DHX57: variants seen among roughly 807,000 people sequenced by gnomAD.
DHX57 encodes DExH-box helicase 57, also known as putative ATP-dependent RNA helicase DHX57.
In DHX57, 105 loss-of-function variants were observed where a neutral mutation model predicts 156.2. That is an observed-to-expected ratio of 0.67 (90% CI 0.57 to 0.79). The LOEUF is 0.79. Ranked by LOEUF, DHX57 falls within the 30% of genes least tolerant of loss-of-function variation. The pLI is 0.00. For missense variants in DHX57, 1,847 were observed against 1,661.9 expected (o/e 1.11, Z -1.94); for synonymous variants, 704 against 595.6 (o/e 1.18, Z -2.65).
At chr2:38,821,624 C>A (rs566353924) in intron 17 of DHX57, among the ~76,000 whole-genome samples, 2 of 152,086 alleles carry the variant, frequency 1.3e-5, no homozygotes, top group Admixed American at 6.6e-5. Context: ...ACCTGGAAGT[C>A]GGAGGTTGCA....
At chr2:38,819,968 C>T (rs1558365391) in intron 17 of DHX57, among the ~76,000 whole-genome samples, 1 of 152,070 alleles carries the variant, frequency 6.6e-6, no homozygotes, top group Non-Finnish European at 1.5e-5. Context: ...TTACACATAC[C>T]GATTCATTAA....
In DHX57 at chr2:38,834,575, G is replaced by A. The variant is rs185148443; in HGVS notation, c.2542+3256C>T. 6.6e-5 allele frequency among the ~76,000 whole-genome samples: 10 copies of A among 152,194 alleles called. No homozygotes were observed. In the East Asian group the frequency reaches 1.9e-3, roughly 29 times the overall value. On this transcript the variant is annotated intron_variant, in intron 13 of 23. Coordinates refer to ENST00000457308, the MANE Select transcript of DHX57 (RefSeq NM_198963.3). ...TATTATAGTAAAAAGTGATCTCTGTGGTTCTTGTGCATTTTTCATTGTGTT... is the reference window on the plus strand; with the variant it reads ...TATTATAGTAAAAAGTGATCTCTGTAGTTCTTGTGCATTTTTCATTGTGTT...
At position 38,826,657 on chromosome 2, in the gene DHX57, G is replaced by A. The variant is rs989143086; in HGVS notation, c.2672C>T (p.Ser891Phe). The change falls in exon 15 of 24, where the codon TCC (serine) becomes TTC (phenylalanine). Residue 891 changes from serine to phenylalanine, a missense_variant. Transcript: ENST00000457308. ...AAACACAGCCTGCTGCTCTTCACTGGATAAAGATGAATGAAGTGGGTGAAT... is the reference window on the plus strand; with the variant it reads ...AAACACAGCCTGCTGCTCTTCACTGAATAAAGATGAATGAAGTGGGTGAAT... The part of the protein sequence containing the change: ...CVIHPLHSSL[S>F]SEEQQAVFVK... The A allele has an allele frequency of 1.9e-6, 3 of 1,614,116 alleles. No individual in the cohort carries two copies. In the South Asian group the frequency reaches 3.3e-5, roughly 18 times the overall value.
At chr2:38,875,087 G>A (rs1665543725) in intron 1 of DHX57, among the ~76,000 whole-genome samples, 1 of 152,192 alleles carries the variant, frequency 6.6e-6, no homozygotes, top group South Asian at 2.1e-4. Context: ...CTAGATCTGA[G>A]ATATGCGCTT....
intron 1 of DHX57, among the ~76,000 whole-genome samples, chr2:38,870,220 A>G (rs549584779): frequency 6.6e-6 from 1 of 152,306 alleles, no homozygotes; most frequent in African/African-American, 2.4e-5. Flanking sequence ...AAAATGTGGG[A>G]CACCATCAAG....
rs36035994 is a variant in DHX57, at chr2:38,861,016, G to A, written c.1394C>T (p.Ser465Phe). The A allele has an allele frequency of 1.2e-4, 192 of 1,613,322 alleles. 4 individuals carry two copies. The African/African-American group carries it at 1.4e-3, about 12-fold the overall frequency. The change falls in exon 5 of 24, where the codon TCT becomes TTT. Residue 465 changes from serine (S) to phenylalanine (F), a missense_variant. By Grantham distance (155) the Ser-to-Phe change is radical (BLOSUM62 -2). Coordinates refer to ENST00000457308, the MANE Select transcript of DHX57 (RefSeq NM_198963.3). ...TTACATACCTTCTGGAATTTGATTA[G>A]AAACAAAAGAATTATTTGGAATCAC... is the stretch of plus-strand genomic sequence containing the variant. ...KTVIPNNSFV[S>F]NQIPEVEKAS...
intron 13 of DHX57, among the ~76,000 whole-genome samples, chr2:38,832,427 ACT>A (rs1439418055): frequency 6.6e-6 from 1 of 151,754 alleles, no homozygotes; most frequent in Admixed American, 6.6e-5. Context: ...GGTGACAGAG[ACT>A]CTGTCTCAAA....
At chr2:38,833,208 T>C (rs1348119171) in intron 13 of DHX57, among the ~76,000 whole-genome samples, 1 of 152,022 alleles carries the variant, frequency 6.6e-6, no homozygotes, top group African/African-American at 2.4e-5. Context: ...GGTGGCGCGA[T>C]CTTGGCTCAC....
chr2:38,843,177 C>G lies in DHX57; in HGVS notation c.2253G>C (p.Arg751=), dbSNP rs1558386662. 2 of 1,614,128 alleles carry G rather than the reference C, an allele frequency of 1.2e-6. No homozygotes were observed. Among genetic ancestry groups the G allele is most frequent in the Admixed American group, 1.7e-5 (1 of 60,006 alleles). ...TTTCCTTTGAAATCTGTTTCATGGA[C>G]CGCATATATGGGCTCCCATCCTGTA... is the stretch of plus-strand genomic sequence containing the variant. ...YVLQDGSPYM[R]SMKQISKEKL... The change falls in exon 12 of 24, where the codon CGG becomes CGC. Residue 751 remains arginine, a synonymous_variant. Transcript: ENST00000457308.
Position 38,843,024 on chromosome 2 carries a change from C to G in DHX57, c.2406G>C (p.Gln802His). 6.8e-6 allele frequency: 11 copies of G among 1,614,142 alleles called. No homozygotes were observed. Among genetic ancestry groups the G allele is most frequent in the Non-Finnish European group, 9.3e-6 (11 of 1,179,998 alleles). The change falls in exon 12 of 24, where the codon CAG (glutamine) becomes CAC (histidine). Residue 802 changes from glutamine (Q) to histidine (H), a missense_variant. Gln to His is a conservative substitution (Grantham distance 24, BLOSUM62 0). Transcript: ENST00000457308. ...TGTTACCTTTATAGCGGGCCAGGAGCTGCTTAAAATCTAACTGTTGATCTG... is the reference window on the plus strand; with the variant it reads ...TGTTACCTTTATAGCGGGCCAGGAGGTGCTTAAAATCTAACTGTTGATCTG... ...AVPDQQLDFK[Q>H]LLARYKGVSK...
chr2:38,821,196 T>A (rs1301466060), intron 17 of DHX57, among the ~76,000 whole-genome samples: 2 of 151,994 alleles, frequency 1.3e-5, no homozygotes, highest in Non-Finnish European at 2.9e-5. Context: ...AACCAAAATG[T>A]GTGGGATGCA....
At chr2:38,860,887 C>CTTTTTTTT in intron 5 of DHX57, 112 bp downstream of exon 5, 17 of 886,650 alleles carry the variant, frequency 1.9e-5, no homozygotes, top group Non-Finnish European at 1.7e-6. Flanking sequence ...GACTTAATGG[C>CTTTTTTTT]TTGTTCAGCT....
chr2:38,847,152 T>C, intron 10 of DHX57, 79 bp from the exon 11 acceptor site: 2 of 1,157,296 alleles, frequency 1.7e-6, no homozygotes, highest in Non-Finnish European at 2.5e-6. Context: ...TATATAAAAT[T>C]CTCTTAAAGC....
intron 19 of DHX57, among the ~76,000 whole-genome samples, chr2:38,818,434 G>A (rs770315136): frequency 6.6e-6 from 1 of 152,150 alleles, no homozygotes; most frequent in Non-Finnish European, 1.5e-5. Flanking sequence ...GTCTGAGGCA[G>A]GAGAATCACT....
Position 38,813,826 on chromosome 2 carries a change from C to G in DHX57, c.3676G>C (p.Val1226Leu), listed in dbSNP as rs370295178. ...TAGGAAAAATGTTTTGTTACCTGCACTACATTTGGATACAAAGCAGCACAC... is the reference window on the plus strand; with the variant it reads ...TAGGAAAAATGTTTTGTTACCTGCAGTACATTTGGATACAAAGCAGCACAC... The part of the protein sequence containing the change: ...MLCAALYPNV[V>L]QVKSPEGKFQ... Residue 1226 changes from valine (V) to leucine (L), a missense_variant, in exon 21 of 24, where the codon GTG (valine) becomes CTG (leucine). Transcript: ENST00000457308. The G allele has an allele frequency of 6.2e-6, 10 of 1,613,512 alleles. No individual in the cohort carries two copies. In the East Asian group the frequency reaches 1.1e-4, roughly 18 times the overall value.
chr2:38,821,654 T>C (rs3099975), intron 17 of DHX57, among the ~76,000 whole-genome samples: 33,456 of 152,004 alleles, frequency 0.22, 3,820 homozygotes, highest in Admixed American at 0.27. Context: ...GACTGCACCA[T>C]TGCACTCCAG....
chr2:38,818,093 GA>G (rs1312342407), intron 19 of DHX57, among the ~76,000 whole-genome samples: 1 of 152,210 alleles, frequency 6.6e-6, no homozygotes, highest in African/African-American at 2.4e-5. Context: ...GTTTTGGGGA[GA>G]GGGGAAGGGG....
At position 38,818,249 on chromosome 2, in the gene DHX57, C is replaced by T. The variant is rs576512992; in HGVS notation, c.3471+628G>A. ...CAGGTTAAGAATGCCTGGTGTAGCC[C>T]GGTGTGGTGTCTCACACCTGTAATC... On this transcript the variant is annotated intron_variant, in intron 19 of 23. Transcript: ENST00000457308. 1.3e-4 allele frequency among the ~76,000 whole-genome samples: 20 copies of T among 152,068 alleles called. 1 individual carries two copies. In the South Asian group the frequency reaches 3.3e-3, roughly 25 times the overall value.
chr2:38,836,719 A>AGCT (rs1335020895), intron 13 of DHX57, among the ~76,000 whole-genome samples: 1 of 147,836 alleles, frequency 6.8e-6, no homozygotes, highest in East Asian at 2.0e-4. Context: ...GGTTACAGTG[A>AGCT]GCTGACATCA....
Sources: gnomAD v4.1 joint callset for allele counts (sites outside exome capture counted in the v4.1 genomes callset) on GRCh38, gnomAD v4.1.1 for gene constraint, MANE v1.5 for transcripts, NCBI Gene and HGNC (gene_info 2026-07-23, HGNC 2026-07-21) for gene names.